The following DBNDD1 variants were observed in gnomAD, a reference collection of about 807,000 sequenced individuals.
The protein encoded by DBNDD1 is dysbindin domain containing 1.
Under a neutral mutation model 17.0 loss-of-function variants are expected in DBNDD1, and 14 were observed. The observed-to-expected ratio is 0.82, with a 90% CI of 0.54 to 1.29. The LOEUF is 1.29. Among genes scored for constraint, DBNDD1 ranks in the 50% most tolerant of loss-of-function variants. The probability of loss-of-function intolerance (pLI) is 0.00; values close to 1 mark genes in which losing one functional copy is unlikely to be tolerated. For missense variants in DBNDD1, 221 were observed against 216.2 expected, an observed-to-expected ratio of 1.02 and a Z score of -0.14; for synonymous variants, 105 against 102.0, an observed-to-expected ratio of 1.03 and a Z score of -0.18.
chr16:90,008,952 C>G, intron 2 of DBNDD1, 28 bp from the exon 3 acceptor site: 1 of 1,525,440 alleles, frequency 6.6e-7, no homozygotes, highest in Non-Finnish European at 8.9e-7. Context: ...ACAGTCAGCC[C>G]TCAGGCCCTC....
At chr16:90,015,345 A>G (rs1318574536) in intron 1 of DBNDD1, among the ~76,000 whole-genome samples, 3 of 152,230 alleles carry the variant, frequency 2.0e-5, no homozygotes, top group East Asian at 1.9e-4. Flanking sequence ...TGCAGCTGCT[A>G]TAAGGCATGC....
Position 90,009,653 on chromosome 16 carries a change from C to T in DBNDD1, c.32-223G>A. The T allele has an allele frequency of 4.5e-6, 3 of 664,092 alleles. No homozygotes were observed. In the South Asian group the frequency reaches 5.9e-5, roughly 13 times the overall value. The allele number at this position is 664,092 out of a possible 1,614,324, so 41.1% of individuals were successfully genotyped here. A position where few individuals can be genotyped will look rare whatever the true frequency, so the allele number is the denominator to read the frequency against. On this transcript the variant is annotated intron_variant, in intron 1 of 3. Transcript: ENST00000002501. Reference sequence around the variant, plus strand: ...CCTTCCCCTTGGGCCCTGGCCTCCCCTAGTGAACAAGGAATCTGAGATCCA... The same window carrying T: ...CCTTCCCCTTGGGCCCTGGCCTCCCTTAGTGAACAAGGAATCTGAGATCCA...
At chr16:90,014,717 C>T (rs1003477537) in intron 1 of DBNDD1, among the ~76,000 whole-genome samples, 18 of 152,074 alleles carry the variant, frequency 1.2e-4, no homozygotes, top group Non-Finnish European at 7.4e-5. Flanking sequence ...TAAGAAGTAT[C>T]CTTTCGGCCG....
Position 90,006,155 on chromosome 16 carries a change from C to T in DBNDD1, c.*180G>A, listed in dbSNP as rs1355155605. 7 of 934,530 alleles carry T rather than the reference C, an allele frequency of 7.5e-6. No homozygotes were observed. The highest frequency in any genetic ancestry group is 2.7e-5 in the East Asian group (1 of 37,140). The allele number at this position is 934,530 out of a possible 1,614,324, so 57.9% of individuals were successfully genotyped here. A position where few individuals can be genotyped will look rare whatever the true frequency, so the allele number is the denominator to read the frequency against. ...CTGGTCTCCAAGTGAGGCGAAGACC[C>T]GTGCCCAGCAGACAAGGCCGGTCTC... On this transcript the variant is annotated 3_prime_UTR_variant, in exon 4 of 4. Coordinates refer to ENST00000002501, the MANE Select transcript of DBNDD1 (RefSeq NM_001042610.3).
intron 1 of DBNDD1, chr16:90,010,011 T>G: frequency 1.2e-6 from 2 of 1,614,200 alleles, no homozygotes; most frequent in Non-Finnish European, 1.7e-6. Flanking sequence ...CAACCATGCC[T>G]CACAGTTGAG....
At position 90,018,173 on chromosome 16, in the gene DBNDD1, C is replaced by G. The variant is rs549319939; in HGVS notation, c.31+1138G>C. ...CAGCTCGGAGACCCCCAAGCCCTCA[C>G]TCCCAACCTCCAGGCTTCCTATGTC... On this transcript the variant is annotated intron_variant, in intron 1 of 3. Transcript: ENST00000002501. Among the ~76,000 whole-genome samples the G allele has an allele frequency of 2.0e-5, 3 of 152,356 alleles. No homozygotes were observed. In the East Asian group the frequency reaches 5.8e-4, roughly 29 times the overall value.
At chr16:90,019,721 C>T (rs1465695863), upstream of DBNDD1, 2 of 635,036 alleles carry the variant, frequency 3.1e-6, no homozygotes, top group South Asian at 1.7e-5. This position sits in a 1 kb window ranked among gnomAD's most constrained non-coding sequence, Gnocchi z 6.1. Flanking sequence ...GGCTCCTGCG[C>T]ACTCACTTGG....
At chr16:90,016,844 GTGAA>G (rs2151265734) in intron 1 of DBNDD1, among the ~76,000 whole-genome samples, 1 of 152,254 alleles carries the variant, frequency 6.6e-6, no homozygotes, top group East Asian at 1.9e-4. Flanking sequence ...AGCTAATGAA[GTGAA>G]TGAATGAATA....
chr16:90,006,321 C>G lies in DBNDD1; in HGVS notation c.*14G>C. The G allele has an allele frequency of 1.3e-6, 2 of 1,596,424 alleles. No homozygotes were observed. The highest frequency in any genetic ancestry group is 2.2e-5 in the South Asian group (2 of 89,152). On this transcript the variant is annotated 3_prime_UTR_variant, in exon 4 of 4. Transcript: ENST00000002501. ...GACCCCATCCCTGCAGGAGCTGGGGCAGGTGGAGATGGTCTAGTCCTCCTG... is the reference window on the plus strand; with the variant it reads ...GACCCCATCCCTGCAGGAGCTGGGGGAGGTGGAGATGGTCTAGTCCTCCTG...
chr16:90,013,890 A>C (rs1263537868), intron 1 of DBNDD1, among the ~76,000 whole-genome samples: 4 of 88,926 alleles, frequency 4.5e-5, no homozygotes, highest in African/African-American at 1.7e-4. Context: ...TTGGAGGAGG[A>C]GCCTGGAGGT....
rs777676383 is a variant in DBNDD1 at position 90,006,460 on chromosome 16, G to A, written c.352C>T (p.Arg118Cys). Residue 118 changes from arginine (R) to cysteine (C), a missense_variant, in exon 4 of 4, where the codon CGC becomes TGC. Arg to Cys is a radical substitution (Grantham distance 180). Transcript: ENST00000002501. Reference protein sequence around the residue: ...LHPLPRAGYLRSPSWTRTRAE... With the variant: ...LHPLPRAGYLCSPSWTRTRAE... ...CTTGTCCTCGTCCAGGAAGGGGAGC[G>A]CAGGTAGCCGGCCCGGGGCAGCGGG... is the stretch of plus-strand genomic sequence containing the variant. 26 of 1,600,056 alleles carry A rather than the reference G, an allele frequency of 1.6e-5. No individual in the cohort carries two copies. Among genetic ancestry groups the A allele is most frequent in the Middle Eastern group, 1.7e-4 (1 of 5,742 alleles).
At position 90,005,212 on chromosome 16, in the gene DBNDD1, C is replaced by T. The variant is rs1201995165; in HGVS notation, c.*1123G>A. 2 of 152,368 alleles carry T rather than the reference C, an allele frequency of 1.3e-5. No homozygotes were observed. Among genetic ancestry groups the T allele is most frequent in the African/African-American group, 4.8e-5 (2 of 41,464 alleles). 9.4% of individuals were successfully genotyped at this position (152,368 alleles called of 1,614,324 possible). A position where few individuals can be genotyped will look rare whatever the true frequency, so the allele number is the denominator to read the frequency against. ...AAGGCCAGGAGCCTGTTTTCCTTCC[C>T]CAGAAGTGTGCTCATGGGAAATGGG... is the stretch of plus-strand genomic sequence containing the variant. On this transcript the variant is annotated 3_prime_UTR_variant, in exon 4 of 4. Coordinates refer to ENST00000002501, the MANE Select transcript of DBNDD1 (RefSeq NM_001042610.3).
rs1318027551 is a variant in DBNDD1 at position 90,019,415 on chromosome 16, A to T, written c.-74T>A. ...GCCCGGGCGCCCCAACAGCTGCGGCAGCGACTCGGCCCCGGCTCCGGGCGC... is the reference window on the plus strand; with the variant it reads ...GCCCGGGCGCCCCAACAGCTGCGGCTGCGACTCGGCCCCGGCTCCGGGCGC... On this transcript the variant is annotated 5_prime_UTR_variant, in exon 1 of 4. Coordinates refer to ENST00000002501, the MANE Select transcript of DBNDD1 (RefSeq NM_001042610.3). This position sits in a 1 kb window ranked among gnomAD's most constrained non-coding sequence, Gnocchi z 6.1. 152 of 976,322 alleles carry T rather than the reference A, an allele frequency of 1.6e-4. No individual in the cohort carries two copies. Among genetic ancestry groups the T allele is most frequent in the Non-Finnish European group, 2.0e-4 (151 of 772,004 alleles). The allele number at this position is 976,322 out of a possible 1,614,324, so 60.5% of individuals were successfully genotyped here.
At chr16:90,013,931 G>C (rs1419679278) in intron 1 of DBNDD1, among the ~76,000 whole-genome samples, 3 of 150,840 alleles carry the variant, frequency 2.0e-5, no homozygotes, top group East Asian at 3.9e-4. Context: ...TGGGTGGGGC[G>C]GGGGGGGACA....
rs780814310 is a variant in DBNDD1, at chr16:90,005,926, G to A, written c.*409C>T. ...TGGAGCACCCCCAGGAGTTCCTGGA[G>A]TGGCTGTCACAGGCCTGGGTCCCCT... On this transcript the variant is annotated 3_prime_UTR_variant, in exon 4 of 4. Coordinates refer to ENST00000002501, the MANE Select transcript of DBNDD1 (RefSeq NM_001042610.3). 99 of 178,298 alleles carry A rather than the reference G, an allele frequency of 5.6e-4. No individual in the cohort carries two copies. The highest frequency in any genetic ancestry group is 1.5e-4 in the Non-Finnish European group (12 of 82,072). The allele number at this position is 178,298 out of a possible 1,614,324, so 11.0% of individuals were successfully genotyped here.
At position 90,005,986 on chromosome 16, in the gene DBNDD1, C is replaced by T. The variant is rs978884766; in HGVS notation, c.*349G>A. The T allele has an allele frequency of 4.4e-6, 1 of 229,082 alleles. No individual in the cohort carries two copies. The highest frequency in any genetic ancestry group is 9.0e-6 in the Non-Finnish European group (1 of 110,626). The allele number at this position is 229,082 out of a possible 1,614,324, so 14.2% of individuals were successfully genotyped here. A position where few individuals can be genotyped will look rare whatever the true frequency, so the allele number is the denominator to read the frequency against. ...GGCCGCCGTGGGCCACTCCATTCCT[C>T]AGCACGTTCCTGGCAGTGACTCCGT... On this transcript the variant is annotated 3_prime_UTR_variant, in exon 4 of 4. Coordinates refer to ENST00000002501, the MANE Select transcript of DBNDD1 (RefSeq NM_001042610.3).
In DBNDD1 at chr16:90,008,851, C is replaced by G; in HGVS notation, c.252G>C (p.Ser84=). The G allele has an allele frequency of 6.2e-7, 1 of 1,603,742 alleles. No homozygotes were observed. Among genetic ancestry groups the G allele is most frequent in the Non-Finnish European group, 8.5e-7 (1 of 1,173,596 alleles). ...LLDLTELTDM[S]DQELAEVFAD... The stretch of plus-strand genomic sequence containing the variant: ...CAAAGACCTCGGCCAGCTCCTGGTC[C>G]GACATGTCGGTGAGCTCAGTGAGGT... Residue 84 remains serine, a synonymous_variant, in exon 3 of 4, where the codon TCG becomes TCC. Transcript: ENST00000002501.
intron 1 of DBNDD1, among the ~76,000 whole-genome samples, chr16:90,018,981 C>A (rs1448315818): frequency 6.6e-6 from 1 of 152,210 alleles, no homozygotes; most frequent in South Asian, 2.1e-4. Flanking sequence ...AGCCCCGGAA[C>A]CCCCCTCCCC....
Position 90,006,273 on chromosome 16 carries a change from G to A in DBNDD1, c.*62C>T, listed in dbSNP as rs1281424410. On this transcript the variant is annotated 3_prime_UTR_variant, in exon 4 of 4. Transcript: ENST00000002501. ...GAAGTGTGTCTGCTGGGTCAGCACT[G>A]CCCAGATCTGCCATCGTGTTCGGAC... The A allele has an allele frequency of 7.8e-6, 12 of 1,537,146 alleles. No homozygotes were observed. In the South Asian group the frequency reaches 1.2e-4, roughly 15 times the overall value.
Sources: allele counts gnomAD v4.1 joint callset (sites outside exome capture counted in the v4.1 genomes callset), GRCh38; gene constraint gnomAD v4.1.1; non-coding constraint Gnocchi (gnomAD v3.1); transcripts MANE v1.5; gene names NCBI Gene and HGNC (gene_info 2026-07-23, HGNC 2026-07-21).